HSF4: variants seen among roughly 807,000 people sequenced by gnomAD.
The protein encoded by HSF4 is heat shock factor protein 4.
A neutral mutation model predicts 52.0 loss-of-function variants in HSF4; 41 were observed. The ratio of observed to expected loss-of-function variants is 0.79; its 90% confidence interval spans 0.61 to 1.02. The LOEUF (loss-of-function observed/expected upper bound fraction) is 1.02, where lower values mean the gene tolerates loss of function less well. HSF4 is among the 50% of genes least tolerant of loss of function. The pLI, the probability that HSF4 is intolerant of heterozygous loss-of-function variation, is 0.00. For missense variants in HSF4, 610 were observed against 651.1 expected (o/e 0.94, Z 0.69); for synonymous variants, 285 against 273.0 (o/e 1.04, Z -0.43).
intron 9 of HSF4, among the ~76,000 whole-genome samples, chr16:67,168,498 A>AAGAG (rs370083477): frequency 2.6e-5 from 4 of 150,964 alleles, no homozygotes; most frequent in Admixed American, 6.6e-5. Flanking sequence ...GAAAGAAGGA[A>AAGAG]AGAGAGAGAG....
At position 67,164,914 on chromosome 16, in the gene HSF4, C is replaced by T. The variant is rs764934702; in HGVS notation, c.103C>T (p.His35Tyr). The change falls in exon 1 of 13, where the codon CAC becomes TAC. Residue 35 changes from histidine to tyrosine, a missense_variant. Physicochemically the swap from His to Tyr is moderately conservative, Grantham distance 83. Coordinates refer to ENST00000521374, the MANE Select transcript of HSF4 (RefSeq NM_001374675.1). ...WALVGDPGTD[H>Y]LIRWSPSGTS... ...GCTGGTGGGGGACCCAGGCACAGAC[C>T]ACCTGATCCGCTGGAGCCCGGTGAG... 1.4e-5 allele frequency: 22 copies of T among 1,607,806 alleles called. No individual in the cohort carries two copies. The highest frequency in any genetic ancestry group is 5.0e-5 in the Admixed American group (3 of 59,808).
chr16:67,168,025 G>A (rs2031433925), intron 9 of HSF4, 78 bp downstream of exon 9: 1 of 1,174,492 alleles, frequency 8.5e-7, no homozygotes, highest in Non-Finnish European at 1.2e-6. Flanking sequence ...CTAGCCATTT[G>A]ACTCCATGAT....
In HSF4 at chr16:67,165,805, G is replaced by C; in HGVS notation, c.319G>C (p.Val107Leu). 1 of 1,608,306 alleles carries C rather than the reference G, an allele frequency of 6.2e-7. No individual in the cohort carries two copies. Among genetic ancestry groups the C allele is most frequent in the Non-Finnish European group, 8.5e-7 (1 of 1,179,492 alleles). Residue 107 changes from valine to leucine, a missense_variant, in exon 3 of 13, where the codon GTG (valine) becomes CTG (leucine). Transcript: ENST00000521374. The surrounding 1 kb of genome is among the most constrained non-coding windows in gnomAD (Gnocchi z 6.9). ...CGTCGAGTTCCAGCACCCGAGCTTCGTGCGCGGCCGCGAGCAGCTACTGGA... is the reference window on the plus strand; with the variant it reads ...CGTCGAGTTCCAGCACCCGAGCTTCCTGCGCGGCCGCGAGCAGCTACTGGA... Reference protein sequence around the residue: ...DHVEFQHPSFVRGREQLLERV... With the variant: ...DHVEFQHPSFLRGREQLLERV...
At chr16:67,167,332 C>T (rs774295490) in intron 7 of HSF4, 110 bp downstream of exon 7, 1 of 1,609,244 alleles carries the variant, frequency 6.2e-7, no homozygotes, top group Non-Finnish European at 8.5e-7. Flanking sequence ...GCCTTCCCCC[C>T]AACCAGACCC....
In HSF4 at chr16:67,165,832, C is replaced by T; in HGVS notation, c.346C>T (p.Arg116Cys). 3 of 1,605,004 alleles carry T rather than the reference C, an allele frequency of 1.9e-6. No individual in the cohort carries two copies. The highest frequency in any genetic ancestry group is 1.7e-6 in the Non-Finnish European group (2 of 1,179,134). The change falls in exon 3 of 13, where the codon CGC becomes TGC. Residue 116 changes from arginine to cysteine, a missense_variant. Arg to Cys is a radical substitution (Grantham distance 180). Transcript: ENST00000521374. The surrounding 1 kb of genome is among the most constrained non-coding windows in gnomAD (Gnocchi z 6.9). ...FVRGREQLLERVRRKVPALRG... is the reference protein window; with the variant it reads ...FVRGREQLLECVRRKVPALRG... Reference sequence around the variant, plus strand: ...GCGCGGCCGCGAGCAGCTACTGGAGCGCGTGCGGCGCAAGGTGGGGGCGGC... The same window carrying T: ...GCGCGGCCGCGAGCAGCTACTGGAGTGCGTGCGGCGCAAGGTGGGGGCGGC...
chr16:67,163,986 C>T (rs1423740202), upstream of HSF4: 7 of 991,460 alleles, frequency 7.1e-6, no homozygotes, highest in Admixed American at 9.9e-5. Context: ...TCCTGGGCGC[C>T]CTGAGACCAC....
Position 67,165,225 on chromosome 16 carries a change from G to A in HSF4, c.123+291G>A. 1 of 592,510 alleles carries A rather than the reference G, an allele frequency of 1.7e-6. No homozygotes were observed. Among genetic ancestry groups the A allele is most frequent in the East Asian group, 2.8e-5 (1 of 35,770 alleles). The allele number at this position is 592,510 out of a possible 1,614,324, so 36.7% of individuals were successfully genotyped here. Reference sequence around the variant, plus strand: ...AAAACAGAGGCCGGGAGATGGGAAGGGCTGGTCTAGCTCAGGGTCACATTG... The same window carrying A: ...AAAACAGAGGCCGGGAGATGGGAAGAGCTGGTCTAGCTCAGGGTCACATTG... On this transcript the variant is annotated intron_variant, in intron 1 of 12. Coordinates refer to ENST00000521374, the MANE Select transcript of HSF4 (RefSeq NM_001374675.1). This position sits in a 1 kb window ranked among gnomAD's most constrained non-coding sequence, Gnocchi z 6.9.
chr16:67,168,685 T>TG lies in HSF4; in HGVS notation c.1083-142dup, dbSNP rs1264172763. On this transcript the variant is annotated intron_variant, in intron 9 of 12. Coordinates refer to ENST00000521374, the MANE Select transcript of HSF4 (RefSeq NM_001374675.1). ...TTCTCTGTGCCATTTATGGCAGGAG[T>TG]GGGGAGGTTGGGGGTGGAGAGAGGA... is the stretch of plus-strand genomic sequence containing the variant. 2.8e-5 allele frequency: 18 copies of TG among 652,736 alleles called. No homozygotes were observed. In the Admixed American group the frequency reaches 3.5e-4, roughly 13 times the overall value. 40.4% of individuals were successfully genotyped at this position (652,736 alleles called of 1,614,324 possible).
chr16:67,169,486 A>C lies in HSF4; in HGVS notation c.1324+138A>C. On this transcript the variant is annotated intron_variant, in intron 12 of 12. Transcript: ENST00000521374. This position sits in a 1 kb window ranked among gnomAD's most constrained non-coding sequence, Gnocchi z 4.3. ...CTGCAGAGCGTTCCTTGAGCCACCCATGCCCTCACCATTGGGCGAGAGTGG... is the reference window on the plus strand; with the variant it reads ...CTGCAGAGCGTTCCTTGAGCCACCCCTGCCCTCACCATTGGGCGAGAGTGG... The C allele has an allele frequency of 6.3e-7, 1 of 1,577,660 alleles. No individual in the cohort carries two copies. The highest frequency in any genetic ancestry group is 2.3e-5 in the East Asian group (1 of 43,190).
At chr16:67,167,649 A>G in intron 8 of HSF4, 50 bp downstream of exon 8, 1 of 1,612,220 alleles carries the variant, frequency 6.2e-7, no homozygotes, top group Non-Finnish European at 8.5e-7. Context: ...AGGGCCTGGC[A>G]GCCCAGATGG....
chr16:67,166,728 T>G, intron 6 of HSF4, 106 bp downstream of exon 6: 2 of 1,034,728 alleles, frequency 1.9e-6, no homozygotes, highest in East Asian at 2.4e-5. Context: ...GGAATCCTCA[T>G]TCCTCCCCCT....
At position 67,169,305 on chromosome 16, in the gene HSF4, TGAGCC is replaced by T; in HGVS notation, c.1282_1286del (p.Glu428Ter). 1 of 1,613,510 alleles carries T rather than the reference TGAGCC, an allele frequency of 6.2e-7. No individual in the cohort carries two copies. The highest frequency in any genetic ancestry group is 1.3e-5 in the African/African-American group (1 of 74,902). ...TGCAGCCCTTGGTTCCAGAGCGGGG[TGAGCC>T]TGAGCTGGCGGTCAAGGGGTTAAAT... On this transcript the variant is annotated frameshift_variant, in exon 12 of 13. Coordinates refer to ENST00000521374, the MANE Select transcript of HSF4 (RefSeq NM_001374675.1). LOFTEE classifies it low-confidence loss of function (END_TRUNC). This position sits in a 1 kb window ranked among gnomAD's most constrained non-coding sequence, Gnocchi z 4.3.
upstream of HSF4, chr16:67,164,243 G>A (rs1391294399): frequency 4.6e-6 from 2 of 434,986 alleles, no homozygotes; most frequent in Admixed American, 3.2e-5. Context: ...GGGTACCGGA[G>A]GAGCCATCCC....
chr16:67,166,288 G>A, intron 4 of HSF4, 32 bp from the exon 5 acceptor site: 1 of 1,598,202 alleles, frequency 6.3e-7, no homozygotes, highest in Non-Finnish European at 8.5e-7. Context: ...CGAACTCTCA[G>A]ATGCCTCAGC....
At chr16:67,166,091 A>AT in intron 4 of HSF4, 21 bp downstream of exon 4, 1 of 684,700 alleles carries the variant, frequency 1.5e-6, no homozygotes, top group Non-Finnish European at 2.3e-6. Flanking sequence ...GGGCGGGGAA[A>AT]GAGGGGACAG....
At position 67,167,931 on chromosome 16, in the gene HSF4, A is replaced by G; in HGVS notation, c.1066A>G (p.Arg356Gly). Reference sequence around the variant, plus strand: ...CCAACAGCCTGAACCAGGGGATCCCAGGGAGATACCTGACAGGTGAGCAGA... The same window carrying G: ...CCAACAGCCTGAACCAGGGGATCCCGGGGAGATACCTGACAGGTGAGCAGA... ...NAQQPEPGDP[R>G]EIPDRGPLGL... The change falls in exon 9 of 13, where the codon AGG (arginine) becomes GGG (glycine). Residue 356 changes from arginine (R) to glycine (G), a missense_variant. By Grantham distance (125) the Arg-to-Gly change is moderately radical. Coordinates refer to ENST00000521374, the MANE Select transcript of HSF4 (RefSeq NM_001374675.1). The G allele has an allele frequency of 6.3e-7, 1 of 1,595,850 alleles. No homozygotes were observed. Among genetic ancestry groups the G allele is most frequent in the Non-Finnish European group, 8.5e-7 (1 of 1,176,254 alleles).
chr16:67,166,546 C>G lies in HSF4; in HGVS notation c.562-12C>G. 6.2e-7 allele frequency: 1 copy of G among 1,613,942 alleles called. No homozygotes were observed. The highest frequency in any genetic ancestry group is 1.3e-5 in the African/African-American group (1 of 75,016). On this transcript the variant is annotated splice_polypyrimidine_tract_variant and intron_variant, in intron 5 of 12. Coordinates refer to ENST00000521374, the MANE Select transcript of HSF4 (RefSeq NM_001374675.1). ...GTCCAAAGTATGAATTAAACCTTTGCTTTCTCTTCAGCTGATCCAGTGTCT... is the reference window on the plus strand; with the variant it reads ...GTCCAAAGTATGAATTAAACCTTTGGTTTCTCTTCAGCTGATCCAGTGTCT...
In HSF4 at chr16:67,167,210, C is replaced by A. The variant is rs759801047; in HGVS notation, c.717C>A (p.Tyr239Ter). The A allele has an allele frequency of 6.2e-7, 1 of 1,614,096 alleles. No homozygotes were observed. Among genetic ancestry groups the A allele is most frequent in the Non-Finnish European group, 8.5e-7 (1 of 1,180,030 alleles). The change falls in exon 7 of 13, where the codon TAC becomes TAA. Residue 239 changes from tyrosine to a stop codon, truncating the protein, a stop_gained. Transcript: ENST00000521374. LOFTEE classifies it high-confidence loss of function. ...PLPGALLQDPYFIQSPLPETN... is the reference protein window; with the variant it reads ...PLPGALLQDP ...CTGGTGCCCTTCTGCAGGACCCCTA[C>A]TTCATCCAGTCGGTAGGTTTGTCTT...
intron 4 of HSF4, 41 bp from the exon 5 acceptor site, chr16:67,166,279 G>T (rs189553377): frequency 5.1e-6 from 8 of 1,579,244 alleles, no homozygotes; most frequent in Non-Finnish European, 6.9e-6. Context: ...GTGACTGGGC[G>T]AACTCTCAGA....
Sources: allele counts gnomAD v4.1 joint callset (sites outside exome capture counted in the v4.1 genomes callset), GRCh38; gene constraint gnomAD v4.1.1; non-coding constraint Gnocchi (gnomAD v3.1); transcripts MANE v1.5; gene names NCBI Gene and HGNC (gene_info 2026-07-23, HGNC 2026-07-21).